SGCG: variants seen among roughly 807,000 people sequenced by gnomAD.
SGCG encodes sarcoglycan gamma, also known as gamma-sarcoglycan.
Under a neutral mutation model 29.3 loss-of-function variants are expected in SGCG, and 26 were observed. The observed-to-expected ratio is 0.89, with a 90% CI of 0.65 to 1.23. The LOEUF is 1.23. Ranked by LOEUF, SGCG falls within the 50% of genes most tolerant of loss-of-function variation. SGCG has a pLI of 0.00. For synonymous variants in SGCG, 145 were observed against 129.7 expected (o/e 1.12, Z -0.80); for missense variants, 353 against 356.0 (o/e 0.99, Z 0.07).
At chr13:23,196,961 C>T (rs1328879387) in intron 1 of SGCG, among the ~76,000 whole-genome samples, 2 of 152,208 alleles carry the variant, frequency 1.3e-5, no homozygotes, top group African/African-American at 4.8e-5. Flanking sequence ...ATTTAACCAT[C>T]CCACTAGCTT....
chr13:23,283,753 C>T (rs540572575), intron 5 of SGCG, among the ~76,000 whole-genome samples: 7 of 152,234 alleles, frequency 4.6e-5, no homozygotes, highest in East Asian at 1.9e-4. Context: ...TGGCTGGTAC[C>T]GGTTTTTCCT....
intron 6 of SGCG, among the ~76,000 whole-genome samples, chr13:23,309,195 T>G (rs890350232): frequency 5.3e-5 from 8 of 152,146 alleles, no homozygotes; most frequent in Admixed American, 5.2e-4. Flanking sequence ...GCAACTTTAC[T>G]GATCATTGTT....
intron 3 of SGCG, among the ~76,000 whole-genome samples, chr13:23,238,938 C>G (rs943347514): frequency 6.6e-6 from 1 of 151,552 alleles, no homozygotes; most frequent in Non-Finnish European, 1.5e-5. Flanking sequence ...CTTTCTTTTT[C>G]TAGAAAAAGA....
chr13:23,316,969 G>A (rs916657881), intron 6 of SGCG, among the ~76,000 whole-genome samples: 7 of 152,164 alleles, frequency 4.6e-5, no homozygotes, highest in African/African-American at 1.7e-4. Context: ...CACTTTGGGA[G>A]GCCAAGGTGG....
At chr13:23,263,923 A>G (rs1443731007) in intron 4 of SGCG, among the ~76,000 whole-genome samples, 1 of 152,176 alleles carries the variant, frequency 6.6e-6, no homozygotes, top group Non-Finnish European at 1.5e-5. Flanking sequence ...GAAGAAATAT[A>G]TCTCAAAATA....
chr13:23,285,654 T>C (rs1881468821), intron 5 of SGCG, among the ~76,000 whole-genome samples: 1 of 152,064 alleles, frequency 6.6e-6, no homozygotes, highest in Admixed American at 6.6e-5. Flanking sequence ...GCCACTGTGG[T>C]ATGAAAAAAA....
At chr13:23,289,969 G>A (rs1327319228) in intron 5 of SGCG, among the ~76,000 whole-genome samples, 1 of 152,184 alleles carries the variant, frequency 6.6e-6, no homozygotes, top group Admixed American at 6.5e-5. Flanking sequence ...CGTAATCAGC[G>A]AAGGTGACCT....
In SGCG at chr13:23,222,644, G is replaced by T. The variant is rs528693475; in HGVS notation, c.196-11967G>T. On this transcript the variant is annotated intron_variant, in intron 2 of 7. Transcript: ENST00000218867. ...AGTTTGAGACCACCCTGGCCAACAT[G>T]GTGAAACCCTGTCTCTACTAAAAAT... is the stretch of plus-strand genomic sequence containing the variant. 1.8e-3 allele frequency among the ~76,000 whole-genome samples: 273 copies of T among 152,104 alleles called. 1 individual carries two copies. Among genetic ancestry groups the T allele is most frequent in the Middle Eastern group, 6.8e-3 (2 of 292 alleles).
rs536623969 is a variant in SGCG at position 23,278,675 on chromosome 13, CAG to C, written c.386-683_386-682del. Among the ~76,000 whole-genome samples, 3 of 152,252 alleles carry C rather than the reference CAG, an allele frequency of 2.0e-5. No homozygotes were observed. In the South Asian group the frequency reaches 6.2e-4, roughly 32 times the overall value. Reference sequence around the variant, plus strand: ...CTCACCCTCACATGTCTGGATGGCACAGGGTGAGTGAGCACCCACAAAACACC... The same window carrying C: ...CTCACCCTCACATGTCTGGATGGCACGGTGAGTGAGCACCCACAAAACACC... On this transcript the variant is annotated intron_variant, in intron 4 of 7. Coordinates refer to ENST00000218867, the MANE Select transcript of SGCG (RefSeq NM_000231.3).
intron 4 of SGCG, among the ~76,000 whole-genome samples, chr13:23,261,855 AGT>A (rs1880450060): frequency 6.6e-6 from 1 of 152,238 alleles, no homozygotes; most frequent in South Asian, 2.1e-4. Context: ...TACTATCTTT[AGT>A]ATCATTAAAG....
intron 6 of SGCG, among the ~76,000 whole-genome samples, chr13:23,307,801 A>G (rs755842529): frequency 1.3e-5 from 2 of 152,212 alleles, no homozygotes. Context: ...AATCATAAAG[A>G]ATATCATAAA....
intron 6 of SGCG, among the ~76,000 whole-genome samples, chr13:23,308,438 C>T (rs1882434767): frequency 6.6e-6 from 1 of 152,128 alleles, no homozygotes; most frequent in Non-Finnish European, 1.5e-5. Context: ...GTCTGTTGTT[C>T]TGGCTTTTTT....
chr13:23,182,664 C>A (rs972207247), intron 1 of SGCG, among the ~76,000 whole-genome samples: 5 of 152,140 alleles, frequency 3.3e-5, no homozygotes, highest in African/African-American at 4.8e-5. Context: ...AACACTGGTA[C>A]AGGAGTATTT....
At chr13:23,204,487 G>A (rs540139149) in intron 2 of SGCG, among the ~76,000 whole-genome samples, 3 of 152,260 alleles carry the variant, frequency 2.0e-5, no homozygotes, top group Admixed American at 6.5e-5. Context: ...AATTTTACAA[G>A]ATAGCTGCAG....
At chr13:23,307,844 G>A (rs1399493840) in intron 6 of SGCG, among the ~76,000 whole-genome samples, 3 of 152,090 alleles carry the variant, frequency 2.0e-5, no homozygotes, top group Non-Finnish European at 2.9e-5. Context: ...CATTTATTGT[G>A]TAAATACAAC....
intron 6 of SGCG, among the ~76,000 whole-genome samples, chr13:23,316,266 A>G (rs1267170827): frequency 6.6e-6 from 1 of 152,174 alleles, no homozygotes; most frequent in Non-Finnish European, 1.5e-5. Flanking sequence ...CAGTCTGGAT[A>G]TGGGTTTGCC....
At chr13:23,213,417 G>T (rs1878308878) in intron 2 of SGCG, among the ~76,000 whole-genome samples, 1 of 152,180 alleles carries the variant, frequency 6.6e-6, no homozygotes, top group African/African-American at 2.4e-5. Flanking sequence ...AGAAAGTAGG[G>T]GTTGCAGTGA....
chr13:23,272,987 C>T (rs1880925585), intron 4 of SGCG, among the ~76,000 whole-genome samples: 1 of 151,962 alleles, frequency 6.6e-6, no homozygotes, highest in African/African-American at 2.4e-5. Context: ...TTTGTGTTTT[C>T]TCATTTTTAT....
At chr13:23,209,207 T>C (rs1479531141) in intron 2 of SGCG, among the ~76,000 whole-genome samples, 1 of 152,168 alleles carries the variant, frequency 6.6e-6, no homozygotes, top group African/African-American at 2.4e-5. Flanking sequence ...ATTGTTTGTT[T>C]TAATTTATTG....
Sources: gnomAD v4.1 joint callset for allele counts (sites outside exome capture counted in the v4.1 genomes callset) on GRCh38, gnomAD v4.1.1 for gene constraint, MANE v1.5 for transcripts, NCBI Gene and HGNC (gene_info 2026-07-23, HGNC 2026-07-21) for gene names.